Variants in RARB observed in about 807,000 individuals in gnomAD.
RARB encodes retinoic acid receptor beta.
RARB carries 17 observed loss-of-function variants against 51.9 expected under a neutral mutation model. The observed-to-expected ratio is 0.33, with a 90% CI of 0.22 to 0.49. The LOEUF is 0.49. RARB is among the 20% of genes least tolerant of loss of function. The pLI is 0.99. For synonymous variants in RARB, 215 were observed against 195.4 expected, an observed-to-expected ratio of 1.10 and a Z score of -0.84; for missense variants, 369 against 550.8, an observed-to-expected ratio of 0.67 and a Z score of 3.30.
intron 5 of RARB, among the ~76,000 whole-genome samples, chr3:25,416,597 G>A (rs917127178): frequency 6.6e-6 from 1 of 152,288 alleles, no homozygotes; most frequent in Non-Finnish European, 1.5e-5. Context: ...CAGCTTTGTG[G>A]GCCATACAGT....
chr3:25,280,392 G>A (rs1472254707), intron 5 of RARB, among the ~76,000 whole-genome samples: 1 of 152,114 alleles, frequency 6.6e-6, no homozygotes, highest in African/African-American at 2.4e-5. Context: ...TGCTGCTTCT[G>A]CTGTTTTCTC....
chr3:25,239,185 G>T (rs932032356), intron 5 of RARB, among the ~76,000 whole-genome samples: 1 of 152,094 alleles, frequency 6.6e-6, no homozygotes, highest in African/African-American at 2.4e-5. Flanking sequence ...TGAGTTCCTT[G>T]TATATTCTGG....
chr3:25,021,729 A>T (rs763017153), intron 2 of RARB, among the ~76,000 whole-genome samples: 5 of 151,854 alleles, frequency 3.3e-5, no homozygotes, highest in Non-Finnish European at 7.4e-5. Context: ...AAATTCGAGG[A>T]CCTATAATGT....
intron 2 of RARB, among the ~76,000 whole-genome samples, chr3:24,940,292 G>A (rs540797344): frequency 3.3e-5 from 5 of 152,232 alleles, no homozygotes; most frequent in African/African-American, 1.2e-4. Flanking sequence ...GAGCAGCTCG[G>A]TGGGTGGGAA....
At chr3:25,162,958 A>T (rs941897831) in intron 4 of RARB, among the ~76,000 whole-genome samples, 1 of 152,248 alleles carries the variant, frequency 6.6e-6, no homozygotes, top group African/African-American at 2.4e-5. Context: ...TTACTGGGTT[A>T]TATGGTAGTT....
chr3:25,412,422 A>T (rs1039456315), intron 5 of RARB, among the ~76,000 whole-genome samples: 4 of 152,184 alleles, frequency 2.6e-5, no homozygotes, highest in Non-Finnish European at 2.9e-5. Context: ...AGCTAGTTCT[A>T]TGGTGACTCA....
At chr3:25,405,024 C>A (rs1488348353) in intron 5 of RARB, among the ~76,000 whole-genome samples, 4 of 152,062 alleles carry the variant, frequency 2.6e-5, no homozygotes, top group Non-Finnish European at 4.4e-5. Flanking sequence ...CTAAATCCCA[C>A]CAGGCTAACT....
intron 2 of RARB, among the ~76,000 whole-genome samples, chr3:24,938,936 A>G (rs1019428088): frequency 5.9e-5 from 9 of 151,308 alleles, no homozygotes; most frequent in Non-Finnish European, 7.4e-5. Flanking sequence ...CATTTTTCAC[A>G]TTTATCACAT....
At chr3:24,884,834 TAC>T (rs1703238614) in intron 2 of RARB, among the ~76,000 whole-genome samples, 1 of 152,046 alleles carries the variant, frequency 6.6e-6, no homozygotes, top group South Asian at 2.1e-4. Flanking sequence ...TAGAAACTAT[TAC>T]AAGAAAGAAA....
intron 2 of RARB, among the ~76,000 whole-genome samples, chr3:25,019,807 A>G (rs918893426): frequency 6.6e-6 from 1 of 152,104 alleles, no homozygotes; most frequent in African/African-American, 2.4e-5. Flanking sequence ...AAGCAGACCA[A>G]CGCTGGATGA....
At chr3:25,586,876 G>A (rs370128121) in intron 5 of RARB, among the ~76,000 whole-genome samples, 36 of 152,332 alleles carry the variant, frequency 2.4e-4, no homozygotes, top group Middle Eastern at 3.4e-3. Context: ...GCGCCTGGGC[G>A]TCTGTGCCAT....
intron 5 of RARB, among the ~76,000 whole-genome samples, chr3:25,333,850 A>G (rs1273852032): frequency 6.6e-6 from 1 of 152,240 alleles, no homozygotes; most frequent in Non-Finnish European, 1.5e-5. Context: ...AAACAACCCC[A>G]TCACAAAGTG....
chr3:24,954,909 T>G (rs73820343), intron 2 of RARB, among the ~76,000 whole-genome samples: 1 of 152,014 alleles, frequency 6.6e-6, no homozygotes, highest in Non-Finnish European at 1.5e-5. Flanking sequence ...AGGGGAGTGT[T>G]TTGGGGCTCT....
chr3:25,395,570 A>G (rs2125490414), intron 5 of RARB, among the ~76,000 whole-genome samples: 1 of 152,242 alleles, frequency 6.6e-6, no homozygotes, highest in African/African-American at 2.4e-5. Flanking sequence ...ACATAATCCT[A>G]CATTTCTTGG....
At chr3:24,895,065 T>C (rs1703451077) in intron 2 of RARB, among the ~76,000 whole-genome samples, 2 of 152,226 alleles carry the variant, frequency 1.3e-5, no homozygotes, top group Admixed American at 1.3e-4. Flanking sequence ...AGACTTAATC[T>C]GTTTTATGGC....
chr3:25,101,622 ACTAT>A (rs1699401652), intron 3 of RARB, among the ~76,000 whole-genome samples: 2 of 149,752 alleles, frequency 1.3e-5, no homozygotes, highest in Non-Finnish European at 3.0e-5. Flanking sequence ...CATTTATTTA[ACTAT>A]CCTTTTATTG....
chr3:25,463,583 A>C (rs1695290732), intron 2 of RARB, among the ~76,000 whole-genome samples: 1 of 151,888 alleles, frequency 6.6e-6, no homozygotes. Context: ...GAATTGCTTG[A>C]ACCCGGGAGG....
intron 5 of RARB, among the ~76,000 whole-genome samples, chr3:25,287,808 A>C (rs936798637): frequency 3.9e-5 from 6 of 152,130 alleles, no homozygotes; most frequent in Admixed American, 3.9e-4. Context: ...ATCTTGAGAA[A>C]TGATTGCAGC....
intron 3 of RARB, among the ~76,000 whole-genome samples, chr3:25,563,330 A>T (rs1013986853): frequency 2.0e-5 from 3 of 152,118 alleles, no homozygotes; most frequent in Non-Finnish European, 2.9e-5. Flanking sequence ...TCGGCACCCT[A>T]CCCTCAGCCT....
Sources: gnomAD v4.1 joint callset for allele counts (sites outside exome capture counted in the v4.1 genomes callset) on GRCh38, gnomAD v4.1.1 for gene constraint, MANE v1.5 for transcripts, NCBI Gene and HGNC (gene_info 2026-07-23, HGNC 2026-07-21) for gene names.